The following DYM variants were observed in gnomAD, a reference collection of about 807,000 sequenced individuals.
DYM encodes dymeclin.
Under a neutral mutation model 93.1 loss-of-function variants are expected in DYM, and 78 were observed. That is an observed-to-expected ratio of 0.84 (90% CI 0.70 to 1.01). The LOEUF (loss-of-function observed/expected upper bound fraction) is 1.01. Ranked by LOEUF, DYM falls within the 50% of genes least tolerant of loss-of-function variation. The probability of loss-of-function intolerance (pLI) is 0.00; values close to 1 mark genes in which losing one functional copy is unlikely to be tolerated. For synonymous variants in DYM, 321 were observed against 319.7 expected (o/e 1.00, Z -0.04); for missense variants, 789 against 845.0 (o/e 0.93, Z 0.82).
At chr18:49,320,757 G>C (rs2062411648) in intron 8 of DYM, among the ~76,000 whole-genome samples, 1 of 152,164 alleles carries the variant, frequency 6.6e-6, no homozygotes, top group African/African-American at 2.4e-5. Context: ...ACAGGTGTGA[G>C]CCACCGTGGC....
chr18:49,410,776 AAAAATT>A (rs908864427), intron 2 of DYM, among the ~76,000 whole-genome samples: 20 of 152,262 alleles, frequency 1.3e-4, no homozygotes, highest in African/African-American at 4.1e-4. Context: ...CCTGTCTCAA[AAAAATT>A]AAAATTAAAA....
chr18:49,287,625 C>T (rs1469793174), intron 8 of DYM, among the ~76,000 whole-genome samples: 2 of 151,916 alleles, frequency 1.3e-5, no homozygotes, highest in African/African-American at 4.8e-5. Context: ...TGGCTCACGC[C>T]TGTAATCCCA....
intron 13 of DYM, among the ~76,000 whole-genome samples, chr18:49,245,854 C>T (rs1421505952): frequency 6.6e-6 from 1 of 152,176 alleles, no homozygotes; most frequent in African/African-American, 2.4e-5. Flanking sequence ...ATGTCAACCC[C>T]GGCGGCCCAG....
In DYM at chr18:49,143,848, C is replaced by G. The variant is rs1029077943; in HGVS notation, c.1728+19837G>C. ...CCCAGCCCATCAACTCATGGCTAAT[C>G]TTGTTTCCTTATACTCATTCATTTC... On this transcript the variant is annotated intron_variant, in intron 15 of 17. Transcript: ENST00000675505. 4.6e-5 allele frequency among the ~76,000 whole-genome samples: 7 copies of G among 152,272 alleles called. No individual in the cohort carries two copies. The East Asian group carries it at 1.4e-3, about 29-fold the overall frequency.
chr18:49,356,523 T>C (rs1262293874), intron 6 of DYM, among the ~76,000 whole-genome samples: 2 of 152,144 alleles, frequency 1.3e-5, no homozygotes, highest in Non-Finnish European at 2.9e-5. Flanking sequence ...AACCCTACCC[T>C]CACTCCTCCA....
intron 8 of DYM, among the ~76,000 whole-genome samples, chr18:49,327,901 G>T (rs369846980): frequency 6.6e-6 from 1 of 152,150 alleles, no homozygotes; most frequent in African/African-American, 2.4e-5. Flanking sequence ...GCTGGATACT[G>T]CAGGGGACAC....
At chr18:49,058,199 C>T in intron 17 of DYM, among the ~76,000 whole-genome samples, 1 of 152,206 alleles carries the variant, frequency 6.6e-6, no homozygotes, top group East Asian at 1.9e-4. Context: ...AGTAAAACAT[C>T]TGTAGATGAA....
intron 16 of DYM, among the ~76,000 whole-genome samples, chr18:49,101,189 T>C (rs1339723761): frequency 6.6e-6 from 1 of 152,224 alleles, no homozygotes; most frequent in African/African-American, 2.4e-5. Context: ...AATCTCTGCA[T>C]GAGACACAGC....
At chr18:49,458,408 G>A (rs2083182030) in intron 1 of DYM, among the ~76,000 whole-genome samples, 1 of 152,086 alleles carries the variant, frequency 6.6e-6, no homozygotes, top group South Asian at 2.1e-4. Context: ...ATTTTTCAGA[G>A]TCAAACATAA....
At chr18:49,358,978 G>A (rs1465814811) in intron 6 of DYM, among the ~76,000 whole-genome samples, 1 of 152,096 alleles carries the variant, frequency 6.6e-6, no homozygotes, top group Non-Finnish European at 1.5e-5. Context: ...CTGCTTCTGC[G>A]GCTATGGCCA....
intron 1 of DYM, among the ~76,000 whole-genome samples, chr18:49,449,793 G>A (rs543739991): frequency 2.0e-4 from 31 of 152,234 alleles, no homozygotes; most frequent in African/African-American, 5.5e-4. Context: ...TTTCTGTAGC[G>A]TTCTGTCAAA....
chr18:49,369,419 A>C (rs750785098), intron 5 of DYM, among the ~76,000 whole-genome samples: 3 of 152,176 alleles, frequency 2.0e-5, no homozygotes, highest in Non-Finnish European at 4.4e-5. Flanking sequence ...CTTCCAACCA[A>C]GCCTGAATGC....
At chr18:49,170,767 T>C (rs4559969) in intron 14 of DYM, among the ~76,000 whole-genome samples, 72,613 of 109,940 alleles carry the variant, frequency 0.66, 23,811 homozygotes, top group Middle Eastern at 0.72. Context: ...GGCAACAAAG[T>C]GAGACTCCGT....
chr18:49,369,198 C>T (rs1355694212), intron 5 of DYM, among the ~76,000 whole-genome samples: 3 of 152,254 alleles, frequency 2.0e-5, no homozygotes, highest in Non-Finnish European at 4.4e-5. Flanking sequence ...AGCATTCTAG[C>T]AGCCTAGTCA....
At chr18:49,058,166 T>G (rs1365166039) in intron 17 of DYM, among the ~76,000 whole-genome samples, 2 of 152,164 alleles carry the variant, frequency 1.3e-5, no homozygotes, top group African/African-American at 4.8e-5. Context: ...ATGATTTTTT[T>G]CAAATCAATG....
intron 1 of DYM, among the ~76,000 whole-genome samples, chr18:49,448,798 T>C (rs34904781): frequency 0.075 from 11,496 of 152,284 alleles, 553 homozygotes; most frequent in Middle Eastern, 0.12. Context: ...TCTTTGACCC[T>C]GAAACTTTAA....
At position 49,191,526 on chromosome 18, in the gene DYM, G is replaced by A. The variant is rs115514310; in HGVS notation, c.1625+18025C>T. Among the ~76,000 whole-genome samples, 460 of 152,162 alleles carry A rather than the reference G, an allele frequency of 3.0e-3. 3 individuals are homozygous for A. The highest frequency in any genetic ancestry group is 0.01 in the African/African-American group (425 of 41,530). The stretch of plus-strand genomic sequence containing the variant: ...ATTTTTATAAGGATTAGTAGCTTTG[G>A]AAAACAAGGACATTATTATATATTT... On this transcript the variant is annotated intron_variant, in intron 14 of 17. Transcript: ENST00000675505.
intron 15 of DYM, among the ~76,000 whole-genome samples, chr18:49,129,352 A>G (rs1441112076): frequency 6.6e-6 from 1 of 152,180 alleles, no homozygotes; most frequent in Non-Finnish European, 1.5e-5. Flanking sequence ...CTCCTTAGTG[A>G]GGAGAAAAAA....
chr18:49,057,755 A>G (rs1040027895), intron 17 of DYM, among the ~76,000 whole-genome samples: 4 of 152,264 alleles, frequency 2.6e-5, no homozygotes, highest in African/African-American at 9.6e-5. Flanking sequence ...AACTTTTAAG[A>G]CTACCATGTA....
Sources: allele counts gnomAD v4.1 joint callset (sites outside exome capture counted in the v4.1 genomes callset), GRCh38; gene constraint gnomAD v4.1.1; transcripts MANE v1.5; gene names NCBI Gene and HGNC (gene_info 2026-07-23, HGNC 2026-07-21).